FRK: variants seen among roughly 807,000 people sequenced by gnomAD.
The protein encoded by FRK is fyn related Src family tyrosine kinase, also known as tyrosine-protein kinase FRK.
FRK carries 51 observed loss-of-function variants against 56.4 expected under a neutral mutation model. The observed-to-expected ratio is 0.90, with a 90% CI of 0.72 to 1.14. The LOEUF is 1.14. FRK is among the 50% of genes most tolerant of loss of function. FRK has a pLI of 0.00. For missense variants in FRK, 570 were observed against 601.4 expected (o/e 0.95, Z 0.55); for synonymous variants, 245 against 217.9 (o/e 1.12, Z -1.10).
intron 2 of FRK, among the ~76,000 whole-genome samples, chr6:115,987,422 T>A (rs1161656724): frequency 6.6e-6 from 1 of 152,118 alleles, no homozygotes; most frequent in Non-Finnish European, 1.5e-5. Context: ...CTGATGACCT[T>A]ATCCTTCCAA....
intron 1 of FRK, among the ~76,000 whole-genome samples, chr6:116,054,134 G>A (rs1469775492): frequency 6.6e-6 from 1 of 151,320 alleles, no homozygotes; most frequent in African/African-American, 2.4e-5. Context: ...AACATAAACA[G>A]TACAATTATA....
chr6:115,993,541 A>T (rs1774703046), intron 2 of FRK, among the ~76,000 whole-genome samples: 1 of 151,862 alleles, frequency 6.6e-6, no homozygotes, highest in Non-Finnish European at 1.5e-5. Context: ...ACGAATTTAA[A>T]CATTAATATA....
intron 2 of FRK, among the ~76,000 whole-genome samples, chr6:115,998,981 A>C (rs180739262): frequency 1.3e-5 from 2 of 152,296 alleles, no homozygotes; most frequent in African/African-American, 4.8e-5. Flanking sequence ...AAGTAAAATC[A>C]CAGTATTCAA....
chr6:116,030,423 A>G (rs1172604773), intron 1 of FRK, among the ~76,000 whole-genome samples: 1 of 152,158 alleles, frequency 6.6e-6, no homozygotes, highest in Non-Finnish European at 1.5e-5. Context: ...TAAGAGTTTT[A>G]GGAGCTCTCT....
the FRK span, among the ~76,000 whole-genome samples, chr6:116,095,482 T>C: frequency 6.6e-6 from 1 of 152,220 alleles, no homozygotes; most frequent in Non-Finnish European, 1.5e-5. Flanking sequence ...AAAGTAAAGT[T>C]TGCTAAAAGT....
At chr6:115,958,437 G>T (rs753661764) in intron 4 of FRK, among the ~76,000 whole-genome samples, 1 of 151,912 alleles carries the variant, frequency 6.6e-6, no homozygotes, top group Non-Finnish European at 1.5e-5. Flanking sequence ...AGACCAGCCT[G>T]GCCAACATGG....
chr6:115,934,041 T>C lies in FRK; in HGVS notation c.*8373A>G, dbSNP rs1032445792. The C allele has an allele frequency of 3.8e-4, 57 of 151,956 alleles. 1 individual carries two copies. Among genetic ancestry groups the C allele is most frequent in the African/African-American group, 1.4e-3 (56 of 41,422 alleles). The allele number at this position is 151,956 out of a possible 1,614,324, so 9.4% of individuals were successfully genotyped here. A position where few individuals can be genotyped will look rare whatever the true frequency, so the allele number is the denominator to read the frequency against. On this transcript the variant is annotated 3_prime_UTR_variant, in exon 8 of 8. Coordinates refer to ENST00000606080, the MANE Select transcript of FRK (RefSeq NM_002031.3). ...CCATATAAACACACAAAAAAATAAA[T>C]ATATACACACTCAACATACCCGCAT...
the FRK span, among the ~76,000 whole-genome samples, chr6:116,072,197 A>C: frequency 6.6e-6 from 1 of 152,152 alleles, no homozygotes; most frequent in Non-Finnish European, 1.5e-5. Flanking sequence ...ATTATACACA[A>C]GAGTCTTTAG....
At chr6:116,088,702 G>A in the FRK span, among the ~76,000 whole-genome samples, 7 of 152,196 alleles carry the variant, frequency 4.6e-5, no homozygotes, top group Non-Finnish European at 1.0e-4. Context: ...CTGGTGCTCA[G>A]AGCAAGCAAA....
the FRK span, among the ~76,000 whole-genome samples, chr6:116,074,133 C>G: frequency 4.6e-5 from 7 of 152,206 alleles, no homozygotes; most frequent in Non-Finnish European, 8.8e-5. Flanking sequence ...ATTCAATGAC[C>G]TGGGTCAAGA....
intron 1 of FRK, among the ~76,000 whole-genome samples, chr6:116,055,334 C>G (rs1048500902): frequency 1.3e-5 from 2 of 152,138 alleles, no homozygotes. Flanking sequence ...CATAAACTAC[C>G]AACAAAACTA....
chr6:116,029,269 T>C (rs1469061879), intron 1 of FRK, among the ~76,000 whole-genome samples: 1 of 152,180 alleles, frequency 6.6e-6, no homozygotes, highest in Non-Finnish European at 1.5e-5. Context: ...TATAACTTAC[T>C]TCTTTGTTTT....
At chr6:115,966,409 C>T (rs1251672883) in intron 4 of FRK, among the ~76,000 whole-genome samples, 6 of 152,206 alleles carry the variant, frequency 3.9e-5, no homozygotes. Context: ...TTCAAGGTAG[C>T]AGCTTGTACA....
chr6:116,079,667 T>C, the FRK span, among the ~76,000 whole-genome samples: 1 of 152,198 alleles, frequency 6.6e-6, no homozygotes, highest in Non-Finnish European at 1.5e-5. Flanking sequence ...CATGGCTCAC[T>C]GCAGCCTTGA....
At chr6:116,054,981 C>T (rs887320625) in intron 1 of FRK, among the ~76,000 whole-genome samples, 2 of 152,056 alleles carry the variant, frequency 1.3e-5, no homozygotes, top group Non-Finnish European at 2.9e-5. Flanking sequence ...AGAAAAAAAT[C>T]TGCTGACATT....
intron 2 of FRK, among the ~76,000 whole-genome samples, chr6:115,973,622 C>T (rs7747186): frequency 0.21 from 31,477 of 152,088 alleles, 3,706 homozygotes; most frequent in Middle Eastern, 0.31. Context: ...GTAATCCCAG[C>T]ACTTTGGGAG....
intron 1 of FRK, among the ~76,000 whole-genome samples, chr6:116,034,447 T>C (rs972088591): frequency 6.6e-6 from 1 of 152,146 alleles, no homozygotes; most frequent in African/African-American, 2.4e-5. Context: ...TATTACGATA[T>C]GGAATTTCCT....
chr6:115,950,346 C>A (rs570099536), intron 5 of FRK, among the ~76,000 whole-genome samples: 3 of 151,944 alleles, frequency 2.0e-5, no homozygotes, highest in South Asian at 2.1e-4. Flanking sequence ...GAAATAAAAA[C>A]CATCAAAAAG....
chr6:115,944,038 G>A (rs1296977126), intron 6 of FRK, among the ~76,000 whole-genome samples: 1 of 152,086 alleles, frequency 6.6e-6, no homozygotes, highest in African/African-American at 2.4e-5. Context: ...CAATCTGGTT[G>A]GTCATTGTTT....
Sources: allele counts gnomAD v4.1 joint callset (sites outside exome capture counted in the v4.1 genomes callset), GRCh38; gene constraint gnomAD v4.1.1; transcripts MANE v1.5; gene names NCBI Gene and HGNC (gene_info 2026-07-23, HGNC 2026-07-21).